The following PTPRM variants were observed in gnomAD, a reference collection of about 807,000 sequenced individuals.
PTPRM encodes the protein receptor-type tyrosine-protein phosphatase mu.
Under a neutral mutation model 186.7 loss-of-function variants are expected in PTPRM, and 47 were observed. That is an observed-to-expected ratio of 0.25 (90% confidence interval 0.20 to 0.32). The LOEUF (loss-of-function observed/expected upper bound fraction) is 0.32, where lower values mean the gene tolerates loss of function less well. Ranked by LOEUF, PTPRM falls within the 10% of genes least tolerant of loss-of-function variation. The pLI is 1.00. For synonymous variants in PTPRM, 668 were observed against 674.9 expected, an observed-to-expected ratio of 0.99 and a Z score of 0.16; for missense variants, 1,494 against 1,865.0, an observed-to-expected ratio of 0.80 and a Z score of 3.66.
chr18:8,205,491 T>C lies in PTPRM; in HGVS notation c.2301-38567T>C, dbSNP rs1427579066. 5.3e-5 allele frequency among the ~76,000 whole-genome samples: 8 copies of C among 152,238 alleles called. No homozygotes were observed. In the South Asian group the frequency reaches 1.7e-3, roughly 31 times the overall value. ...CTTTATTTCTTTATTATATGTTTAATTGATCACGTACTTTATAACTTTCAG... is the reference window on the plus strand; with the variant it reads ...CTTTATTTCTTTATTATATGTTTAACTGATCACGTACTTTATAACTTTCAG... On this transcript the variant is annotated intron_variant, in intron 14 of 32. Transcript: ENST00000580170.
At chr18:8,312,891 G>A (rs890693106) in intron 20 of PTPRM, among the ~76,000 whole-genome samples, 3 of 152,216 alleles carry the variant, frequency 2.0e-5, no homozygotes, top group Non-Finnish European at 2.9e-5. Flanking sequence ...GTGACTACCT[G>A]TCATGAAGTG....
rs552690252 is a variant in PTPRM at position 7,743,823 on chromosome 18, T to G, written c.74-30326T>G. ...TTAAGAATATAGGAGTTATTAAAAT[T>G]AATAATACTTTTGTTTACATAAAAG... is the stretch of plus-strand genomic sequence containing the variant. On this transcript the variant is annotated intron_variant, in intron 1 of 32. Transcript: ENST00000580170. 1.2e-4 allele frequency among the ~76,000 whole-genome samples: 19 copies of G among 152,350 alleles called. 1 individual carries two copies. The highest frequency in any genetic ancestry group is 2.4e-4 in the Non-Finnish European group (16 of 68,032).
In PTPRM at chr18:7,568,293, G is replaced by T. The variant is rs1355008439; in HGVS notation, c.73+402G>T. Among the ~76,000 whole-genome samples, 2 of 151,788 alleles carry T rather than the reference G, an allele frequency of 1.3e-5. No homozygotes were observed. The highest frequency in any genetic ancestry group is 2.4e-5 in the African/African-American group (1 of 41,400). ...GGGCCGCCTGGCGTAGGCGCTGCGC[G>T]GTCCCCGCCGACCCCGAGCAGCGGC... On this transcript the variant is annotated intron_variant, in intron 1 of 32. Transcript: ENST00000580170. The surrounding 1 kb of genome is among the most constrained non-coding windows in gnomAD (Gnocchi z 5.1).
At chr18:7,996,329 G>T (rs548577411) in intron 7 of PTPRM, among the ~76,000 whole-genome samples, 58 of 152,182 alleles carry the variant, frequency 3.8e-4, no homozygotes, top group African/African-American at 1.4e-3. Context: ...TATAGGTGCA[G>T]AAAAAGCTTT....
At chr18:7,947,472 G>GA (rs2052615347) in intron 5 of PTPRM, among the ~76,000 whole-genome samples, 1 of 152,098 alleles carries the variant, frequency 6.6e-6, no homozygotes, top group African/African-American at 2.4e-5. Flanking sequence ...AAATCACTGG[G>GA]TAATACAGAT....
intron 2 of PTPRM, 64 bp from the exon 3 acceptor site, chr18:7,888,042 G>A: frequency 6.2e-7 from 1 of 1,603,366 alleles, no homozygotes; most frequent in Middle Eastern, 1.7e-4. Flanking sequence ...ATGGTGGTGG[G>A]TTTTCAGAGA....
intron 2 of PTPRM, among the ~76,000 whole-genome samples, chr18:7,779,943 C>T (rs939697971): frequency 2.6e-5 from 4 of 152,050 alleles, no homozygotes; most frequent in South Asian, 2.1e-4. Flanking sequence ...GATGGGCTTA[C>T]GATTATATGC....
At chr18:7,713,837 G>T (rs893147260) in intron 1 of PTPRM, among the ~76,000 whole-genome samples, 6 of 152,046 alleles carry the variant, frequency 3.9e-5, no homozygotes, top group Admixed American at 2.0e-4. Context: ...TATCCTAAAT[G>T]TATATGCACC....
intron 7 of PTPRM, among the ~76,000 whole-genome samples, chr18:8,066,852 A>G (rs993717466): frequency 6.6e-6 from 1 of 152,190 alleles, no homozygotes; most frequent in African/African-American, 2.4e-5. Context: ...GCTTAGCTGT[A>G]GTACTTGGCA....
chr18:8,067,269 T>C (rs999851227), intron 7 of PTPRM, among the ~76,000 whole-genome samples: 5 of 152,198 alleles, frequency 3.3e-5, no homozygotes, highest in African/African-American at 1.2e-4. Flanking sequence ...TGGAGCTTAT[T>C]AGAAGTTTTT....
At chr18:8,117,247 T>C (rs1480721610) in intron 13 of PTPRM, among the ~76,000 whole-genome samples, 4 of 152,184 alleles carry the variant, frequency 2.6e-5, no homozygotes, top group Admixed American at 6.5e-5. Flanking sequence ...GTAAAGATGT[T>C]TAAAATGTAG....
intron 7 of PTPRM, among the ~76,000 whole-genome samples, chr18:8,019,467 A>G (rs13381562): frequency 0.11 from 16,453 of 152,178 alleles, 937 homozygotes; most frequent in South Asian, 0.14. Context: ...TTTGTTGGTC[A>G]TATTTCTGAT....
intron 19 of PTPRM, among the ~76,000 whole-genome samples, chr18:8,283,914 C>A (rs1255202093): frequency 6.6e-6 from 1 of 152,128 alleles, no homozygotes; most frequent in Admixed American, 6.5e-5. Context: ...AGCTACCACA[C>A]CTGGCCACCA....
At chr18:7,614,179 G>A (rs745488968) in intron 1 of PTPRM, among the ~76,000 whole-genome samples, 17 of 152,180 alleles carry the variant, frequency 1.1e-4, no homozygotes, top group Non-Finnish European at 2.2e-4. Context: ...AATGATTTAA[G>A]CGTTATTGTG....
intron 2 of PTPRM, among the ~76,000 whole-genome samples, chr18:7,810,751 G>A (rs915791084): frequency 6.6e-6 from 1 of 152,110 alleles, no homozygotes; most frequent in Non-Finnish European, 1.5e-5. Context: ...TATAAACTGT[G>A]TTGTATTTAT....
At chr18:8,110,432 G>A (rs956672333) in intron 11 of PTPRM, among the ~76,000 whole-genome samples, 2 of 152,158 alleles carry the variant, frequency 1.3e-5, no homozygotes, top group South Asian at 4.1e-4. Flanking sequence ...CATTTAAGTG[G>A]CAAACTTGAG....
chr18:7,873,241 A>G (rs1023647537), intron 2 of PTPRM, among the ~76,000 whole-genome samples: 3 of 152,236 alleles, frequency 2.0e-5, no homozygotes, highest in Non-Finnish European at 4.4e-5. Context: ...TTTAAGACTT[A>G]TAATTCAAAG....
At chr18:8,091,345 TC>T (rs758558521) in intron 11 of PTPRM, among the ~76,000 whole-genome samples, 16 of 152,308 alleles carry the variant, frequency 1.1e-4, no homozygotes, top group Admixed American at 2.6e-4. Context: ...GCACTTTGCA[TC>T]CAGTCTCTAA....
At chr18:8,102,140 G>T (rs2091318690) in intron 11 of PTPRM, among the ~76,000 whole-genome samples, 1 of 152,142 alleles carries the variant, frequency 6.6e-6, no homozygotes. Flanking sequence ...ATTGCTAAAA[G>T]TACTGATGAT....
Sources: gnomAD v4.1 joint callset for allele counts (sites outside exome capture counted in the v4.1 genomes callset) on GRCh38, gnomAD v4.1.1 for gene constraint, Gnocchi (gnomAD v3.1) non-coding constraint, MANE v1.5 for transcripts, NCBI Gene and HGNC (gene_info 2026-07-23, HGNC 2026-07-21) for gene names.